Variants in PCDHGA7 observed in about 807,000 individuals in gnomAD.
PCDHGA7 encodes protocadherin gamma subfamily A, 7.
A neutral mutation model predicts 58.3 loss-of-function variants in PCDHGA7; 44 were observed. That is an observed-to-expected ratio of 0.75 (90% confidence interval 0.59 to 0.97). PCDHGA7 has a LOEUF of 0.97. Among genes scored for constraint, PCDHGA7 ranks in the 50% least tolerant of loss-of-function variants. PCDHGA7 has a pLI of 0.00. For synonymous variants in PCDHGA7, 516 were observed against 504.2 expected, an observed-to-expected ratio of 1.02 and a Z score of -0.31; for missense variants, 1,266 against 1,188.7, an observed-to-expected ratio of 1.06 and a Z score of -0.96.
chr5:141,404,080 C>G (rs369802030), intron 1 of PCDHGA7: 1 of 1,613,516 alleles, frequency 6.2e-7, no homozygotes, highest in Non-Finnish European at 8.5e-7. Flanking sequence ...ACCGAGACTC[C>G]GGGAAGAATG....
intron 1 of PCDHGA7, among the ~76,000 whole-genome samples, chr5:141,429,774 G>A (rs1175985162): frequency 6.6e-6 from 1 of 152,070 alleles, no homozygotes; most frequent in Non-Finnish European, 1.5e-5. Context: ...ATTTTGATGG[G>A]CTTCCAAAAG....
At chr5:141,422,202 T>C (rs1272540004) in intron 1 of PCDHGA7, 1 of 1,561,656 alleles carries the variant, frequency 6.4e-7, no homozygotes, top group Admixed American at 2.0e-5. Flanking sequence ...GCCAAGATGG[T>C]GGAGGTCTCT....
chr5:141,479,453 A>G (rs994349416), intron 1 of PCDHGA7: 1 of 152,266 alleles, frequency 6.6e-6, no homozygotes, highest in Non-Finnish European at 1.5e-5. Context: ...TAAGTTCAGC[A>G]TGAATACAGT....
rs373591066 is a variant in PCDHGA7, at chr5:141,404,487, G to A, written c.2424+19164G>A. On this transcript the variant is annotated intron_variant, in intron 1 of 3. Transcript: ENST00000518325. The stretch of plus-strand genomic sequence containing the variant: ...TATGTCTCTATTAACTCAGACACTG[G>A]TGTGCTGTATGCTCTGTGCTCCTTT... 6.8e-6 allele frequency: 11 copies of A among 1,613,722 alleles called. No homozygotes were observed. Among genetic ancestry groups the A allele is most frequent in the Admixed American group, 1.7e-5 (1 of 60,008 alleles).
rs1437409726 is a variant in PCDHGA7, at chr5:141,471,036, C to T, written c.2425-23771C>T. Among the ~76,000 whole-genome samples the T allele has an allele frequency of 2.8e-5, 4 of 144,908 alleles. No homozygotes were observed. The South Asian group carries it at 6.5e-4, about 24-fold the overall frequency. ...CTGGTCAATCATTTTTATTAACAAG[C>T]CCAAGCCCTCTTTTTTTTTTTTTTT... On this transcript the variant is annotated intron_variant, in intron 1 of 3. Transcript: ENST00000518325.
rs1157645386 is a variant in PCDHGA7 at position 141,477,622 on chromosome 5, A to C, written c.2425-17185A>C. On this transcript the variant is annotated intron_variant, in intron 1 of 3. Coordinates refer to ENST00000518325, the MANE Select transcript of PCDHGA7 (RefSeq NM_018920.4). This position sits in a 1 kb window ranked among gnomAD's most constrained non-coding sequence, Gnocchi z 4.9. ...TCTTTCTCTTGGAGCAAGGAGCTGA[A>C]ACCGGGCTAGTGGGTCGCTATTTCA... 1 of 1,614,108 alleles carries C rather than the reference A, an allele frequency of 6.2e-7. No homozygotes were observed. The highest frequency in any genetic ancestry group is 2.2e-5 in the East Asian group (1 of 44,904).
chr5:141,420,099 C>T (rs750814136), intron 1 of PCDHGA7: 4 of 1,613,996 alleles, frequency 2.5e-6, no homozygotes, highest in South Asian at 2.2e-5. Flanking sequence ...AGTGAGGGAA[C>T]GTTGCCCTAT....
At position 141,485,632 on chromosome 5, in the gene PCDHGA7, G is replaced by C; in HGVS notation, c.2425-9175G>C. 6.2e-7 allele frequency: 1 copy of C among 1,611,766 alleles called. No individual in the cohort carries two copies. The highest frequency in any genetic ancestry group is 8.5e-7 in the Non-Finnish European group (1 of 1,178,342). ...CAGCTCCTCCAGGACAGCGTTTCCC[G>C]TTGGAAAAGGCTCAGGATGCAGATG... is the stretch of plus-strand genomic sequence containing the variant. On this transcript the variant is annotated intron_variant, in intron 1 of 3. Coordinates refer to ENST00000518325, the MANE Select transcript of PCDHGA7 (RefSeq NM_018920.4). This position sits in a 1 kb window ranked among gnomAD's most constrained non-coding sequence, Gnocchi z 5.7.
At position 141,384,837 on chromosome 5, in the gene PCDHGA7, C is replaced by T; in HGVS notation, c.1938C>T (p.Val646=). ...TCAAGCAGAGCCTCGTGGTGGCCGT[C>T]CAGGACCACGGTCAGCCTCCTCTGT... ...DALKQSLVVA[V]QDHGQPPLSA... is the part of the protein sequence containing the mutation. Residue 646 remains valine, a synonymous_variant, in exon 1 of 4, where the codon GTC becomes GTT. Coordinates refer to ENST00000518325, the MANE Select transcript of PCDHGA7 (RefSeq NM_018920.4). 1 of 1,613,562 alleles carries T rather than the reference C, an allele frequency of 6.2e-7. No individual in the cohort carries two copies. Among genetic ancestry groups the T allele is most frequent in the Non-Finnish European group, 8.5e-7 (1 of 1,179,912 alleles).
At chr5:141,441,173 C>G (rs2098230611) in intron 1 of PCDHGA7, 1 of 152,180 alleles carries the variant, frequency 6.6e-6, no homozygotes, top group South Asian at 2.1e-4. Context: ...ATTTTTACTT[C>G]TAATTCCACA....
chr5:141,383,656 G>A lies in PCDHGA7; in HGVS notation c.757G>A (p.Glu253Lys). 6.2e-7 allele frequency: 1 copy of A among 1,614,008 alleles called. No individual in the cohort carries two copies. Among genetic ancestry groups the A allele is most frequent in the South Asian group, 1.1e-5 (1 of 91,086 alleles). ...SLPQYQVTVP[E>K]NVPVGTRLLT... ...GCCTCAGTACCAAGTAACTGTCCCC[G>A]AGAATGTGCCAGTGGGTACAAGACT... Residue 253 changes from glutamate to lysine, a missense_variant, in exon 1 of 4, where the codon GAG (glutamate) becomes AAG (lysine). Transcript: ENST00000518325.
rs77983663 is a variant in PCDHGA7, at chr5:141,504,853, C to T, written c.2484-540C>T. 2.8e-4 allele frequency among the ~76,000 whole-genome samples: 42 copies of T among 152,214 alleles called. No homozygotes were observed. In the East Asian group the frequency reaches 7.7e-3, roughly 28 times the overall value. On this transcript the variant is annotated intron_variant, in intron 2 of 3. Transcript: ENST00000518325. ...TTCTCTAGCTCTGGAACATTCTCTT[C>T]CATTTCCCACCTTCACAGTCCTCTG... is the stretch of plus-strand genomic sequence containing the variant.
intron 1 of PCDHGA7, chr5:141,412,915 T>C (rs1167427710): frequency 2.0e-5 from 8 of 407,356 alleles, no homozygotes; most frequent in Non-Finnish European, 2.6e-5. Flanking sequence ...ATGTATCACT[T>C]GGGTGCAGTA....
chr5:141,405,320 C>G, intron 1 of PCDHGA7: 1 of 1,614,188 alleles, frequency 6.2e-7, no homozygotes, highest in Non-Finnish European at 8.5e-7. Context: ...GAAAAATGAG[C>G]CTTTGTGCGT....
intron 1 of PCDHGA7, chr5:141,422,819 T>C (rs369004166): frequency 2.5e-6 from 4 of 1,614,068 alleles, no homozygotes; most frequent in Non-Finnish European, 2.5e-6. Flanking sequence ...GACTTAGAAC[T>C]GAGAGTGATA....
chr5:141,474,105 C>A (rs1292743515), intron 1 of PCDHGA7, among the ~76,000 whole-genome samples: 1 of 152,036 alleles, frequency 6.6e-6, no homozygotes, highest in African/African-American at 2.4e-5. Flanking sequence ...ACAACAAAAA[C>A]AACAACAACG....
chr5:141,411,766 C>A (rs796623075), intron 1 of PCDHGA7: 1 of 152,454 alleles, frequency 6.6e-6, no homozygotes, highest in South Asian at 2.1e-4. Context: ...CCTGTGGTCT[C>A]AGCTACTCTG....
At chr5:141,445,751 G>A (rs1211416281) in intron 1 of PCDHGA7, among the ~76,000 whole-genome samples, 1 of 152,102 alleles carries the variant, frequency 6.6e-6, no homozygotes, top group East Asian at 1.9e-4. Context: ...AAAAATAAAA[G>A]GTGTGACTCA....
At chr5:141,480,695 C>T (rs2099523656) in intron 1 of PCDHGA7, among the ~76,000 whole-genome samples, 2 of 152,146 alleles carry the variant, frequency 1.3e-5, no homozygotes, top group African/African-American at 4.8e-5. Context: ...GAAACCCAGG[C>T]CACACCCCGA....
Sources: allele counts gnomAD v4.1 joint callset (sites outside exome capture counted in the v4.1 genomes callset), GRCh38; gene constraint gnomAD v4.1.1; non-coding constraint Gnocchi (gnomAD v3.1); transcripts MANE v1.5; gene names NCBI Gene and HGNC (gene_info 2026-07-23, HGNC 2026-07-21).